Variants in PARM1 observed in about 807,000 individuals in gnomAD.
PARM1 encodes prostate androgen-regulated mucin-like protein 1.
Under a neutral mutation model 24.6 loss-of-function variants are expected in PARM1, and 14 were observed. That is an observed-to-expected ratio of 0.57 (90% CI 0.38 to 0.89). The LOEUF (loss-of-function observed/expected upper bound fraction) is 0.89. Among genes scored for constraint, PARM1 ranks in the 40% least tolerant of loss-of-function variants. PARM1 has a pLI of 0.00. For missense variants in PARM1, 362 were observed against 380.4 expected (o/e 0.95, Z 0.40); for synonymous variants, 179 against 156.6 (o/e 1.14, Z -1.07).
At chr4:75,004,135 A>T (rs1326347171) in intron 1 of PARM1, among the ~76,000 whole-genome samples, 1 of 152,224 alleles carries the variant, frequency 6.6e-6, no homozygotes, top group Non-Finnish European at 1.5e-5. Context: ...TTGCAGACAA[A>T]TCACAGGGAG....
At chr4:75,034,194 C>CA (rs1334304555) in intron 3 of PARM1, among the ~76,000 whole-genome samples, 1 of 152,146 alleles carries the variant, frequency 6.6e-6, no homozygotes. Context: ...CATGATGATG[C>CA]AATGGAACAA....
chr4:75,007,730 G>A (rs189881842), intron 1 of PARM1, among the ~76,000 whole-genome samples: 2 of 152,282 alleles, frequency 1.3e-5, no homozygotes, highest in Admixed American at 1.3e-4. Flanking sequence ...TTTGAGGATG[G>A]GGCCTCTAGG....
chr4:75,046,507 C>T lies in PARM1; in HGVS notation c.*260C>T. On this transcript the variant is annotated 3_prime_UTR_variant, in exon 4 of 4. Transcript: ENST00000307428. The stretch of plus-strand genomic sequence containing the variant: ...CCTTGCACCAGCCAGGCCAGACCAC[C>T]ATGGTGAAGGCTTCTTTCCCCACTG... The T allele has an allele frequency of 2.8e-6, 1 of 352,480 alleles. No individual in the cohort carries two copies. The highest frequency in any genetic ancestry group is 5.2e-6 in the Non-Finnish European group (1 of 191,962). 21.8% of individuals were successfully genotyped at this position (352,480 alleles called of 1,614,324 possible).
At chr4:75,013,640 G>GTTA (rs1004732090) in intron 2 of PARM1, among the ~76,000 whole-genome samples, 6 of 152,178 alleles carry the variant, frequency 3.9e-5, no homozygotes, top group African/African-American at 1.4e-4. Context: ...AATGTCATTT[G>GTTA]TTATTATTAT....
intron 2 of PARM1, among the ~76,000 whole-genome samples, chr4:75,031,315 T>A (rs1055558614): frequency 2.0e-5 from 3 of 152,236 alleles, no homozygotes; most frequent in African/African-American, 7.2e-5. Context: ...TATTGGGCTG[T>A]ACAAACTCTT....
chr4:75,005,481 T>C (rs1722753721), intron 1 of PARM1, among the ~76,000 whole-genome samples: 1 of 152,150 alleles, frequency 6.6e-6, no homozygotes, highest in African/African-American at 2.4e-5. Flanking sequence ...TCACTGCCCA[T>C]ATTCCTGACA....
chr4:74,953,811 C>T (rs1359053581), intron 1 of PARM1, among the ~76,000 whole-genome samples: 1 of 152,168 alleles, frequency 6.6e-6, no homozygotes, highest in African/African-American at 2.4e-5. Context: ...ATCCTGGCCT[C>T]TCCAGAGACA....
intron 3 of PARM1, among the ~76,000 whole-genome samples, chr4:75,039,375 C>CA (rs940661165): frequency 3.0e-4 from 46 of 151,034 alleles, no homozygotes; most frequent in Admixed American, 1.5e-3. Context: ...ACTAAAAATA[C>CA]AAAAAAAAAT....
At chr4:75,015,585 T>C (rs552344763) in intron 2 of PARM1, among the ~76,000 whole-genome samples, 2 of 152,336 alleles carry the variant, frequency 1.3e-5, no homozygotes, top group African/African-American at 4.8e-5. Flanking sequence ...TTTTATAGTT[T>C]AAGTAGAGAG....
chr4:74,966,214 A>G (rs1045645398), intron 1 of PARM1, among the ~76,000 whole-genome samples: 2 of 152,210 alleles, frequency 1.3e-5, no homozygotes, highest in African/African-American at 4.8e-5. Flanking sequence ...CCTATTAAAC[A>G]TAGCTATCAT....
At chr4:75,042,982 T>C (rs998442306) in intron 3 of PARM1, among the ~76,000 whole-genome samples, 2 of 152,122 alleles carry the variant, frequency 1.3e-5, no homozygotes, top group Non-Finnish European at 2.9e-5. Context: ...CCAATCTTTT[T>C]CCTTTATTTT....
intron 1 of PARM1, among the ~76,000 whole-genome samples, chr4:75,003,587 C>T (rs1028862565): frequency 6.6e-6 from 1 of 152,184 alleles, no homozygotes. Flanking sequence ...GGCTTTCCTA[C>T]TTCAAGCAAG....
chr4:75,024,666 T>G (rs963522717), intron 2 of PARM1, among the ~76,000 whole-genome samples: 5 of 152,306 alleles, frequency 3.3e-5, no homozygotes, highest in African/African-American at 1.2e-4. Flanking sequence ...ATGCAAACTT[T>G]TCTCGTTTAT....
chr4:74,988,159 G>A (rs1452799639), intron 1 of PARM1, among the ~76,000 whole-genome samples: 1 of 152,124 alleles, frequency 6.6e-6, no homozygotes, highest in African/African-American at 2.4e-5. Context: ...GTGTATAGTG[G>A]ACACATTTAC....
chr4:75,034,254 G>A (rs2109809583), intron 3 of PARM1, among the ~76,000 whole-genome samples: 1 of 152,234 alleles, frequency 6.6e-6, no homozygotes, highest in South Asian at 2.1e-4. Flanking sequence ...TGCCCCAAAT[G>A]TACCTCATTA....
intron 3 of PARM1, among the ~76,000 whole-genome samples, chr4:75,038,593 A>G (rs947261011): frequency 1.3e-5 from 2 of 152,300 alleles, no homozygotes; most frequent in African/African-American, 4.8e-5. Context: ...TCCATGTTCC[A>G]GTTTGGCAGT....
chr4:74,992,387 C>A (rs566890971), intron 1 of PARM1, among the ~76,000 whole-genome samples: 2 of 152,128 alleles, frequency 1.3e-5, no homozygotes, highest in Non-Finnish European at 2.9e-5. Flanking sequence ...AGGCTTAGTA[C>A]ACATGTCCTC....
chr4:74,933,390 C>G lies in PARM1; in HGVS notation c.43+20C>G. On this transcript the variant is annotated intron_variant, in intron 1 of 3. Transcript: ENST00000307428. ...CTGCAGGTAATTGGCGCCATCCTCC[C>G]GGAAGGGCAGGTCGCGGGGTGGGCC... 1.9e-6 allele frequency: 3 copies of G among 1,611,010 alleles called. No individual in the cohort carries two copies. The highest frequency in any genetic ancestry group is 2.5e-6 in the Non-Finnish European group (3 of 1,178,060).
At chr4:74,998,016 T>C (rs958751595) in intron 1 of PARM1, among the ~76,000 whole-genome samples, 2 of 152,206 alleles carry the variant, frequency 1.3e-5, no homozygotes, top group Non-Finnish European at 1.5e-5. Flanking sequence ...TCCTTCCAGA[T>C]TGATGTGTTT....
Sources: gnomAD v4.1 joint callset for allele counts (sites outside exome capture counted in the v4.1 genomes callset) on GRCh38, gnomAD v4.1.1 for gene constraint, MANE v1.5 for transcripts, NCBI Gene and HGNC (gene_info 2026-07-23, HGNC 2026-07-21) for gene names.